The following ADGRG6 variants were observed in gnomAD, a reference collection of about 807,000 sequenced individuals.
ADGRG6 encodes the protein adhesion G protein-coupled receptor G6.
Under a neutral mutation model 142.4 loss-of-function variants are expected in ADGRG6, and 84 were observed. The ratio of observed to expected loss-of-function variants is 0.59; its 90% confidence interval spans 0.49 to 0.71. ADGRG6 has a LOEUF of 0.71. Among genes scored for constraint, ADGRG6 ranks in the 30% least tolerant of loss-of-function variants. The probability of loss-of-function intolerance (pLI) is 0.00; values close to 1 mark genes in which losing one functional copy is unlikely to be tolerated. For synonymous variants in ADGRG6, 521 were observed against 520.5 expected (o/e 1.00, Z -0.01); for missense variants, 1,367 against 1,466.6 (o/e 0.93, Z 1.11).
chr6:142,350,294 A>G (rs1401997971), intron 2 of ADGRG6, among the ~76,000 whole-genome samples: 2 of 152,176 alleles, frequency 1.3e-5, no homozygotes, highest in African/African-American at 4.8e-5. Context: ...GGAAAAAATA[A>G]TTTTCATTTT....
At chr6:142,312,998 A>G (rs1308941221) in intron 2 of ADGRG6, among the ~76,000 whole-genome samples, 1 of 152,096 alleles carries the variant, frequency 6.6e-6, no homozygotes, top group Non-Finnish European at 1.5e-5. Flanking sequence ...CTTTGTAAAC[A>G]TGTTAACAAA....
chr6:142,308,786 G>T (rs1222782634), intron 1 of ADGRG6, among the ~76,000 whole-genome samples: 1 of 150,996 alleles, frequency 6.6e-6, no homozygotes, highest in African/African-American at 2.4e-5. Context: ...CTGATTCAAT[G>T]AACTGTATTA....
At chr6:142,426,562 A>G (rs564824153) in intron 22 of ADGRG6, among the ~76,000 whole-genome samples, 1 of 152,270 alleles carries the variant, frequency 6.6e-6, no homozygotes, top group South Asian at 2.1e-4. Flanking sequence ...ACACAGTGCA[A>G]GCTGTTGGTG....
At chr6:142,406,189 G>C (rs1310010366) in intron 15 of ADGRG6, among the ~76,000 whole-genome samples, 1 of 8,432 alleles carries the variant, frequency 1.2e-4, no homozygotes, top group Non-Finnish European at 2.0e-4. Flanking sequence ...CAAAGGAAAG[G>C]GTTTTTTTTT....
chr6:142,367,286 A>C (rs573810397), intron 2 of ADGRG6, among the ~76,000 whole-genome samples: 1 of 152,064 alleles, frequency 6.6e-6, no homozygotes, highest in Non-Finnish European at 1.5e-5. Context: ...GCCCCTGCTC[A>C]TTTTACTGGA....
chr6:142,413,051 A>G (rs1177496497), intron 18 of ADGRG6, among the ~76,000 whole-genome samples: 2 of 151,334 alleles, frequency 1.3e-5, no homozygotes, highest in Non-Finnish European at 1.5e-5. Context: ...ATATGTGAAG[A>G]TAAGCATCAT....
Position 142,382,010 on chromosome 6 carries a change from C to G in ADGRG6, c.1129C>G (p.Leu377Val). ...GGCCAGCTGTGCAGACCTGGGGACC[C>G]TCTGTCAAGGTAGGGAGCCCACACC... Reference protein sequence around the residue: ...ELASCADLGTLCQATVNSPST... With the variant: ...ELASCADLGTVCQATVNSPST... Residue 377 changes from leucine to valine, a missense_variant, in exon 5 of 25, where the codon CTC becomes GTC. Leu to Val is a conservative substitution (Grantham distance 32). Coordinates refer to ENST00000367609, the MANE Select transcript of ADGRG6 (RefSeq NM_198569.3). 1 of 1,598,782 alleles carries G rather than the reference C, an allele frequency of 6.3e-7. No homozygotes were observed. The highest frequency in any genetic ancestry group is 1.1e-5 in the South Asian group (1 of 89,208).
At chr6:142,435,832 A>G (rs1562394214) in intron 22 of ADGRG6, among the ~76,000 whole-genome samples, 1 of 152,338 alleles carries the variant, frequency 6.6e-6, no homozygotes, top group East Asian at 1.9e-4. Flanking sequence ...ATTAAAAATA[A>G]AATAAAATAA....
intron 10 of ADGRG6, 126 bp from the exon 11 acceptor site, chr6:142,400,359 T>A: frequency 1.7e-6 from 1 of 577,532 alleles, no homozygotes; most frequent in South Asian, 2.4e-5. Flanking sequence ...AACACTAATA[T>A]TTTGGTATTA....
chr6:142,367,374 C>G (rs1240487162), intron 2 of ADGRG6, among the ~76,000 whole-genome samples, 195 bp from the exon 3 acceptor site: 1 of 152,110 alleles, frequency 6.6e-6, no homozygotes, highest in African/African-American at 2.4e-5. Flanking sequence ...TTTTGTTTCT[C>G]TTTTACTTTT....
At chr6:142,379,236 C>T (rs1781638292) in intron 4 of ADGRG6, among the ~76,000 whole-genome samples, 1 of 152,252 alleles carries the variant, frequency 6.6e-6, no homozygotes, top group Middle Eastern at 3.4e-3. Flanking sequence ...GTCCTCTATT[C>T]TTCCTTTTTT....
rs1781178673 is a variant in ADGRG6, at chr6:142,370,358, T to C, written c.634T>C (p.Leu212=). 6.2e-7 allele frequency: 1 copy of C among 1,613,544 alleles called. No homozygotes were observed. Among genetic ancestry groups the C allele is most frequent in the Non-Finnish European group, 8.5e-7 (1 of 1,179,502 alleles). The part of the protein sequence containing the change: ...FSYSNASFTQ[L]LSFGKAKSGY... ...CTACTCAAATGCATCCTTCACACAATTGCTCAGTTTTGGAAAGGCCAAGAG... is the reference window on the plus strand; with the variant it reads ...CTACTCAAATGCATCCTTCACACAACTGCTCAGTTTTGGAAAGGCCAAGAG... Residue 212 remains leucine, a synonymous_variant, in exon 4 of 25, where the codon TTG becomes CTG. Transcript: ENST00000367609.
At chr6:142,345,538 A>G (rs900117501) in intron 2 of ADGRG6, among the ~76,000 whole-genome samples, 58 of 152,260 alleles carry the variant, frequency 3.8e-4, no homozygotes, top group African/African-American at 1.4e-3. Context: ...AAATACATGA[A>G]TTTTTAGTGG....
rs1193700276 is a variant in ADGRG6 at position 142,387,268 on chromosome 6, A to C, written c.1223-2990A>C. Among the ~76,000 whole-genome samples, 4 of 152,236 alleles carry C rather than the reference A, an allele frequency of 2.6e-5. No homozygotes were observed. The South Asian group carries it at 8.3e-4, about 32-fold the overall frequency. On this transcript the variant is annotated intron_variant, in intron 6 of 24. Coordinates refer to ENST00000367609, the MANE Select transcript of ADGRG6 (RefSeq NM_198569.3). ...GCTCAAACATCACTAGCTACTGAAT[A>C]GTAAGCTTTTGTGAGGTTGTCACAA... is the stretch of plus-strand genomic sequence containing the variant.
Position 142,403,923 on chromosome 6 carries a change from A to G in ADGRG6, c.2077A>G (p.Ile693Val), listed in dbSNP as rs1438829907. The G allele has an allele frequency of 1.2e-6, 2 of 1,611,126 alleles. No individual in the cohort carries two copies. The highest frequency in any genetic ancestry group is 1.3e-5 in the African/African-American group (1 of 74,976). The part of the protein sequence containing the change: ...VSSLLPGTNA[I>V]SNFSIGLPSN... ...ATCCCTGTTACCAGGGACAAATGCA[A>G]TTTCAAATTTTAGCATTGGTCTTCC... The change falls in exon 14 of 25, where the codon ATT becomes GTT. Residue 693 changes from isoleucine (I) to valine (V), a missense_variant. By Grantham distance (29) the Ile-to-Val change is conservative. This residue lies in a region of ADGRG6 where 286 missense variants were observed against 371.4 expected (regional missense o/e 0.77). Transcript: ENST00000367609.
At chr6:142,304,000 T>C (rs1469427827) in intron 1 of ADGRG6, among the ~76,000 whole-genome samples, 2 of 152,178 alleles carry the variant, frequency 1.3e-5, no homozygotes, top group Non-Finnish European at 2.9e-5. Flanking sequence ...CTATTTTGAC[T>C]GAAAGTTTTC....
At chr6:142,321,286 TACACACACAC>T (rs10632214) in intron 2 of ADGRG6, among the ~76,000 whole-genome samples, 1 of 147,778 alleles carries the variant, frequency 6.8e-6, no homozygotes, top group Non-Finnish European at 1.5e-5. Flanking sequence ...TAAGCATGCA[TACACACACAC>T]ACACACACAC....
At chr6:142,399,368 A>C (rs1210645913) in intron 10 of ADGRG6, among the ~76,000 whole-genome samples, 1 of 152,188 alleles carries the variant, frequency 6.6e-6, no homozygotes, top group Non-Finnish European at 1.5e-5. Context: ...AATCATGGTA[A>C]TAAACCATTT....
At chr6:142,417,239 C>T in intron 20 of ADGRG6, 34 bp from the exon 21 acceptor site, 2 of 1,127,014 alleles carry the variant, frequency 1.8e-6, no homozygotes, top group Non-Finnish European at 2.7e-6. Flanking sequence ...TCAGATGCTT[C>T]AAAAGAGTTT....
Sources: gnomAD v4.1 joint callset for allele counts (sites outside exome capture counted in the v4.1 genomes callset) on GRCh38, gnomAD v4.1.1 for gene constraint, gnomAD v4.1.1 regional missense constraint, MANE v1.5 for transcripts, NCBI Gene and HGNC (gene_info 2026-07-23, HGNC 2026-07-21) for gene names.